IGF1R: variants seen among roughly 807,000 people sequenced by gnomAD.
IGF1R encodes insulin like growth factor 1 receptor.
Under a neutral mutation model 144.6 loss-of-function variants are expected in IGF1R, and 44 were observed. The ratio of observed to expected loss-of-function variants is 0.30; its 90% CI spans 0.24 to 0.39. The LOEUF (loss-of-function observed/expected upper bound fraction) is 0.39. Ranked by LOEUF, IGF1R falls within the 10% of genes least tolerant of loss-of-function variation. IGF1R has a pLI of 1.00. For missense variants in IGF1R, 1,355 were observed against 1,833.7 expected, an observed-to-expected ratio of 0.74 and a Z score of 4.77; for synonymous variants, 795 against 722.8, an observed-to-expected ratio of 1.10 and a Z score of -1.60.
At chr15:98,670,290 T>C (rs1429794221) in intron 1 of IGF1R, among the ~76,000 whole-genome samples, 1 of 152,076 alleles carries the variant, frequency 6.6e-6, no homozygotes, top group Non-Finnish European at 1.5e-5. Context: ...GGAGGTCTCC[T>C]GGAGGAGGGT....
chr15:98,909,261 C>CTTTTTTCTTT (rs1555459650), intron 6 of IGF1R, among the ~76,000 whole-genome samples: 10 of 91,740 alleles, frequency 1.1e-4, no homozygotes, highest in African/African-American at 2.5e-4. Context: ...CTTTTTTTTT[C>CTTTTTTCTTT]TTTTTTTTTT....
At chr15:98,934,201 T>C (rs1320398104) in intron 15 of IGF1R, among the ~76,000 whole-genome samples, 2 of 151,770 alleles carry the variant, frequency 1.3e-5, no homozygotes, top group African/African-American at 4.8e-5. Context: ...AGGAGTCCCA[T>C]GTAGGGACCA....
chr15:98,707,327 C>T lies in IGF1R; in HGVS notation c.95-235C>T, dbSNP rs1410421586. Among the ~76,000 whole-genome samples, 3 of 152,140 alleles carry T rather than the reference C, an allele frequency of 2.0e-5. No individual in the cohort carries two copies. The highest frequency in any genetic ancestry group is 1.9e-4 in the East Asian group (1 of 5,192). On this transcript the variant is annotated intron_variant, in intron 1 of 20. Transcript: ENST00000650285. This position sits in a 1 kb window ranked among gnomAD's most constrained non-coding sequence, Gnocchi z 6.7. ...TAACGGGGATGGCCTCTCCCATGGT[C>T]GGTTGGAGTGTGTTGCACAGCGTCT...
intron 10 of IGF1R, among the ~76,000 whole-genome samples, chr15:98,919,504 A>G (rs1007740937): frequency 2.6e-5 from 4 of 152,128 alleles, no homozygotes; most frequent in Non-Finnish European, 5.9e-5. Flanking sequence ...TTCTCATCAG[A>G]TGTGGAGCAC....
At chr15:98,852,546 G>C (rs924040263) in intron 2 of IGF1R, among the ~76,000 whole-genome samples, 1 of 152,204 alleles carries the variant, frequency 6.6e-6, no homozygotes, top group Non-Finnish European at 1.5e-5. Context: ...GAGTATTAGG[G>C]AGGCGATCAC....
intron 2 of IGF1R, among the ~76,000 whole-genome samples, chr15:98,856,654 A>G (rs2011834987): frequency 6.6e-6 from 1 of 152,244 alleles, no homozygotes; most frequent in South Asian, 2.1e-4. Flanking sequence ...CCAAATATAA[A>G]GAATTGGAAC....
intron 2 of IGF1R, among the ~76,000 whole-genome samples, chr15:98,768,717 A>C (rs1252588784): frequency 2.2e-5 from 3 of 138,030 alleles, no homozygotes; most frequent in Non-Finnish European, 4.6e-5. Context: ...CAGGAGTTCG[A>C]GACCATCCTG....
In IGF1R at chr15:98,923,153, C is replaced by T. The variant is rs2015561965; in HGVS notation, c.2485+722C>T. ...CCTGGGAGAGACATAGCCAGCTAAC[C>T]CCTCAAGTGCCTTTTCCGGCTGTAA... On this transcript the variant is annotated intron_variant, in intron 11 of 20. Coordinates refer to ENST00000650285, the MANE Select transcript of IGF1R (RefSeq NM_000875.5). 1.3e-5 allele frequency among the ~76,000 whole-genome samples: 2 copies of T among 152,214 alleles called. 1 individual carries two copies. Among genetic ancestry groups the T allele is most frequent in the South Asian group, 4.1e-4 (2 of 4,832 alleles).
In IGF1R at chr15:98,673,832, T is replaced by C. The variant is rs73473446; in HGVS notation, c.94+24157T>C. 7.3e-3 allele frequency among the ~76,000 whole-genome samples: 1,113 copies of C among 152,316 alleles called. 7 individuals are homozygous for C. The highest frequency in any genetic ancestry group is 0.026 in the African/African-American group (1,061 of 41,550). On this transcript the variant is annotated intron_variant, in intron 1 of 20. Transcript: ENST00000650285. ...TAAGCACCAGGTCTGTGCCAGGCGC[T>C]GTATTTTGTATTTTGCATGTCTGAG...
intron 2 of IGF1R, among the ~76,000 whole-genome samples, chr15:98,889,369 G>A (rs1272736668): frequency 1.3e-5 from 2 of 152,114 alleles, no homozygotes; most frequent in Non-Finnish European, 1.5e-5. Flanking sequence ...GCAACTAGTG[G>A]GTGTGTAAAC....
chr15:98,781,539 A>G (rs1464810938), intron 2 of IGF1R, among the ~76,000 whole-genome samples: 1 of 152,164 alleles, frequency 6.6e-6, no homozygotes, highest in Non-Finnish European at 1.5e-5. Context: ...ATATTTATTT[A>G]CCTGAGCTTT....
intron 1 of IGF1R, among the ~76,000 whole-genome samples, chr15:98,663,822 G>A (rs532763383): frequency 1.3e-5 from 2 of 152,350 alleles, no homozygotes; most frequent in Admixed American, 6.5e-5. Context: ...TCCTTACCAT[G>A]CAAGTGAAGA....
intron 1 of IGF1R, among the ~76,000 whole-genome samples, chr15:98,675,822 CTTTCTTTTTTTTTT>C (rs1382886235): frequency 1.7e-5 from 2 of 114,410 alleles, no homozygotes; most frequent in African/African-American, 7.0e-5. Flanking sequence ...TTCTTTCTTT[CTTTCTTTTTTTTTT>C]TTTTTTTTTG....
chr15:98,694,903 G>A (rs2053562739), intron 1 of IGF1R, among the ~76,000 whole-genome samples: 2 of 152,180 alleles, frequency 1.3e-5, no homozygotes, highest in Non-Finnish European at 2.9e-5. Context: ...TGGAGATAAC[G>A]AAGGGAATGG....
intron 2 of IGF1R, among the ~76,000 whole-genome samples, chr15:98,853,187 TG>T (rs1378831590): frequency 1.3e-5 from 2 of 152,208 alleles, no homozygotes; most frequent in African/African-American, 4.8e-5. Context: ...TTCCTAGGTT[TG>T]AAATATGTTT....
intron 3 of IGF1R, among the ~76,000 whole-genome samples, chr15:98,895,932 T>G (rs1005624769): frequency 6.6e-6 from 1 of 152,172 alleles, no homozygotes; most frequent in Admixed American, 6.5e-5. Context: ...GTTCTATATA[T>G]AACTATAGAT....
At chr15:98,747,980 G>A (rs767435941) in intron 2 of IGF1R, among the ~76,000 whole-genome samples, 3 of 151,908 alleles carry the variant, frequency 2.0e-5, no homozygotes, top group African/African-American at 4.8e-5. Flanking sequence ...CAAAGATTTC[G>A]GTAATATATT....
intron 2 of IGF1R, among the ~76,000 whole-genome samples, chr15:98,790,062 T>C (rs2056093491): frequency 6.6e-6 from 1 of 152,224 alleles, no homozygotes; most frequent in Non-Finnish European, 1.5e-5. Flanking sequence ...GAAGCTCTGT[T>C]CAAGTGGCTC....
chr15:98,831,271 T>C (rs1024277047), intron 2 of IGF1R, among the ~76,000 whole-genome samples: 27 of 152,254 alleles, frequency 1.8e-4, no homozygotes, highest in Non-Finnish European at 1.5e-5. Flanking sequence ...TTCAACGTGT[T>C]CTAAAATGAA....
Sources: allele counts gnomAD v4.1 joint callset (sites outside exome capture counted in the v4.1 genomes callset), GRCh38; gene constraint gnomAD v4.1.1; non-coding constraint Gnocchi (gnomAD v3.1); transcripts MANE v1.5; gene names NCBI Gene and HGNC (gene_info 2026-07-23, HGNC 2026-07-21).